Variants in TRIM37 observed in about 807,000 individuals in gnomAD.
TRIM37 encodes tripartite motif containing 37, also known as E3 ubiquitin-protein ligase TRIM37.
In TRIM37, 80 loss-of-function variants were observed where a neutral mutation model predicts 129.8. The observed-to-expected ratio is 0.62, with a 90% CI of 0.51 to 0.74. The LOEUF (loss-of-function observed/expected upper bound fraction) is 0.74, where lower values mean the gene tolerates loss of function less well. Among genes scored for constraint, TRIM37 ranks in the 30% least tolerant of loss-of-function variants. The probability of loss-of-function intolerance (pLI) is 0.00; values close to 1 mark genes in which losing one functional copy is unlikely to be tolerated. For synonymous variants in TRIM37, 389 were observed against 387.1 expected (o/e 1.00, Z -0.06); for missense variants, 1,054 against 1,176.5 (o/e 0.90, Z 1.52).
chr17:59,066,520 C>T (rs1428251042), intron 9 of TRIM37, among the ~76,000 whole-genome samples: 1 of 152,104 alleles, frequency 6.6e-6, no homozygotes, highest in African/African-American at 2.4e-5. Context: ...ACAAGAGATG[C>T]CATTTTCAAC....
chr17:59,028,435 G>T lies in TRIM37; in HGVS notation c.2237C>A (p.Ala746Asp). Reference protein sequence around the residue: ...GMELLAKSSVANCYIRNSTNK... With the variant: ...GMELLAKSSVDNCYIRNSTNK... ...CTTACAGTTTCGTATGTAACAATTG[G>T]CAACTGATGACTTTGCCAGGAGTTC... The change falls in exon 19 of 24, where the codon GCC (alanine) becomes GAC (aspartate). Residue 746 changes from alanine (A) to aspartate (D), a missense_variant. Around this residue, in one of 3 missense-constraint regions of TRIM37, gnomAD observed 287 missense variants for 274.3 expected, o/e 1.05. Transcript: ENST00000262294. 6.2e-7 allele frequency: 1 copy of T among 1,613,110 alleles called. No individual in the cohort carries two copies. Among genetic ancestry groups the T allele is most frequent in the Non-Finnish European group, 8.5e-7 (1 of 1,180,022 alleles).
Position 59,049,226 on chromosome 17 carries a change from G to T in TRIM37, c.1482C>A (p.Ala494=), listed in dbSNP as rs1344580381. 1.9e-6 allele frequency: 3 copies of T among 1,613,068 alleles called. No individual in the cohort carries two copies. The highest frequency in any genetic ancestry group is 2.2e-5 in the East Asian group (1 of 44,830). ...TCTCCTCATCTTCTTCATCCTCTTT[G>T]GCCTCTCTTACAGAAGCTGTAGTAG... is the stretch of plus-strand genomic sequence containing the variant. The part of the protein sequence containing the change: ...GGPTTASVRE[A]KEDEEDEEKI... The change falls in exon 15 of 24, where the codon GCC becomes GCA. Residue 494 remains alanine (A), a synonymous_variant. Coordinates refer to ENST00000262294, the MANE Select transcript of TRIM37 (RefSeq NM_015294.6).
At chr17:59,053,986 A>G (rs148495946) in intron 13 of TRIM37, among the ~76,000 whole-genome samples, 2 of 152,344 alleles carry the variant, frequency 1.3e-5, no homozygotes, top group Non-Finnish European at 2.9e-5. Context: ...ACTGAAAATC[A>G]TATCCCTTGT....
chr17:59,078,845 C>T (rs1379951374), intron 7 of TRIM37, among the ~76,000 whole-genome samples: 5 of 151,890 alleles, frequency 3.3e-5, no homozygotes. Context: ...AGACTATTTG[C>T]TACTTGGTCT....
In TRIM37 at chr17:58,998,293, G is replaced by C. The variant is rs12451581; in HGVS notation, c.*1084C>G. Reference sequence around the variant, plus strand: ...CAGCATTCAGCAAGACATCAGACACGGAAGAGTGAACAATATTCACTAAGT... The same window carrying C: ...CAGCATTCAGCAAGACATCAGACACCGAAGAGTGAACAATATTCACTAAGT... On this transcript the variant is annotated 3_prime_UTR_variant, in exon 24 of 24. Coordinates refer to ENST00000262294, the MANE Select transcript of TRIM37 (RefSeq NM_015294.6). 8 of 985,150 alleles carry C rather than the reference G, an allele frequency of 8.1e-6. No individual in the cohort carries two copies. The Admixed American group carries it at 4.3e-4, about 53-fold the overall frequency. The allele number at this position is 985,150 out of a possible 1,614,324, so 61.0% of individuals were successfully genotyped here.
At chr17:59,019,052 G>A (rs1411137694) in intron 19 of TRIM37, among the ~76,000 whole-genome samples, 4 of 152,254 alleles carry the variant, frequency 2.6e-5, no homozygotes, top group Non-Finnish European at 2.9e-5. Flanking sequence ...CTGCTGCTGG[G>A]AATATAAAAT....
intron 11 of TRIM37, among the ~76,000 whole-genome samples, chr17:59,061,740 A>G (rs894356453): frequency 2.6e-5 from 4 of 152,126 alleles, no homozygotes; most frequent in African/African-American, 9.7e-5. Flanking sequence ...CACATTTATT[A>G]TAACTACTTG....
At chr17:59,105,091 CAAAAAA>C (rs35249068) in intron 1 of TRIM37, among the ~76,000 whole-genome samples, 3 of 122,676 alleles carry the variant, frequency 2.4e-5, no homozygotes, top group Non-Finnish European at 3.4e-5. Flanking sequence ...GATTCTGTCT[CAAAAAA>C]AAAAAAAAAG....
intron 9 of TRIM37, among the ~76,000 whole-genome samples, chr17:59,066,386 T>C (rs2041922511): frequency 6.6e-6 from 1 of 152,254 alleles, no homozygotes; most frequent in Admixed American, 6.5e-5. Context: ...TCTTCTGCCA[T>C]GTCCAGTGTA....
At position 59,098,175 on chromosome 17, in the gene TRIM37, G is replaced by C. The variant is rs571823442; in HGVS notation, c.123+6118C>G. Among the ~76,000 whole-genome samples the C allele has an allele frequency of 7.2e-5, 11 of 152,254 alleles. No individual in the cohort carries two copies. In the South Asian group the frequency reaches 2.1e-3, roughly 29 times the overall value. The stretch of plus-strand genomic sequence containing the variant: ...CCATTTATATGATGTACTTAGAATA[G>C]TCAATGTAAAGACAGAAGGTAGAAT... On this transcript the variant is annotated intron_variant, in intron 2 of 23. Transcript: ENST00000262294.
At chr17:58,967,504 G>GTATATA in the TRIM37 span, among the ~76,000 whole-genome samples, 40 of 148,496 alleles carry the variant, frequency 2.7e-4, no homozygotes, top group African/African-American at 9.9e-4. Flanking sequence ...ATATATATGT[G>GTATATA]TATATATATA....
chr17:58,986,504 CTTT>C (rs530928011), intron 24 of TRIM37, among the ~76,000 whole-genome samples: 1,293 of 124,970 alleles, frequency 0.01, 21 homozygotes, highest in African/African-American at 0.037. Flanking sequence ...TTCCATCTGT[CTTT>C]TTTTTTTTTT....
At chr17:59,020,816 A>G (rs902778670) in intron 19 of TRIM37, among the ~76,000 whole-genome samples, 1 of 152,222 alleles carries the variant, frequency 6.6e-6, no homozygotes, top group African/African-American at 2.4e-5. Flanking sequence ...TCCAAAACAC[A>G]GGCAATAACA....
chr17:59,053,442 G>A (rs1182210406), intron 13 of TRIM37, among the ~76,000 whole-genome samples: 2 of 152,160 alleles, frequency 1.3e-5, no homozygotes, highest in African/African-American at 2.4e-5. Context: ...TATAATAAGA[G>A]AGTAGTAAAT....
At position 59,064,409 on chromosome 17, in the gene TRIM37, A is replaced by C; in HGVS notation, c.810-4T>G. ...ATCGTAAGATGGCACTAATTCACTA[A>C]AAAAAAAAAGGCAAAAAAAATTATT... On this transcript the variant is annotated splice_polypyrimidine_tract_variant and splice_region_variant and intron_variant, in intron 9 of 23. Transcript: ENST00000262294. The C allele has an allele frequency of 6.7e-7, 1 of 1,493,030 alleles. No individual in the cohort carries two copies. Among genetic ancestry groups the C allele is most frequent in the Non-Finnish European group, 9.1e-7 (1 of 1,100,800 alleles). 92.5% of individuals were successfully genotyped at this position (1,493,030 alleles called of 1,614,324 possible). A position where few individuals can be genotyped will look rare whatever the true frequency, so the allele number is the denominator to read the frequency against.
the TRIM37 span, chr17:58,972,355 C>CTTT: frequency 2.5e-5 from 29 of 1,144,642 alleles, no homozygotes; most frequent in Middle Eastern, 3.1e-4. Context: ...GATTCACTTA[C>CTTT]TTTTTTTTTT....
intron 14 of TRIM37, 142 bp from the exon 15 acceptor site, chr17:59,049,535 C>T (rs760700674): frequency 3.6e-5 from 29 of 802,216 alleles, no homozygotes; most frequent in Non-Finnish European, 5.3e-5. Flanking sequence ...CTCTGTTGCC[C>T]AGGCTGAAGT....
chr17:59,099,864 T>C (rs964574833), intron 2 of TRIM37, among the ~76,000 whole-genome samples: 2 of 152,114 alleles, frequency 1.3e-5, no homozygotes, highest in Non-Finnish European at 2.9e-5. Context: ...AGTGCAATGG[T>C]GCGATCTCGG....
intron 22 of TRIM37, among the ~76,000 whole-genome samples, chr17:59,008,669 C>G (rs556265331): frequency 7.0e-4 from 107 of 152,274 alleles, no homozygotes; most frequent in Non-Finnish European, 1.4e-3. Context: ...GAAGCTGAGG[C>G]AGAAGGATCA....
Sources: gnomAD v4.1 joint callset for allele counts (sites outside exome capture counted in the v4.1 genomes callset) on GRCh38, gnomAD v4.1.1 for gene constraint, gnomAD v4.1.1 regional missense constraint, MANE v1.5 for transcripts, NCBI Gene and HGNC (gene_info 2026-07-23, HGNC 2026-07-21) for gene names.